The following MLXIPL variants were observed in gnomAD, a reference collection of about 807,000 sequenced individuals.
MLXIPL encodes the protein carbohydrate-responsive element-binding protein.
MLXIPL carries 49 observed loss-of-function variants against 81.5 expected under a neutral mutation model. The observed-to-expected ratio is 0.60, with a 90% CI of 0.48 to 0.76. The LOEUF is 0.76. MLXIPL is among the 30% of genes least tolerant of loss of function. The pLI, the probability that MLXIPL is intolerant of heterozygous loss-of-function variation, is 0.00. For synonymous variants in MLXIPL, 466 were observed against 485.5 expected, an observed-to-expected ratio of 0.96 and a Z score of 0.53; for missense variants, 1,053 against 1,167.0, an observed-to-expected ratio of 0.90 and a Z score of 1.42.
chr7:73,594,499 T>C, intron 15 of MLXIPL, 96 bp from the exon 16 acceptor site: 3 of 1,496,774 alleles, frequency 2.0e-6, no homozygotes, highest in Non-Finnish European at 2.8e-6. Flanking sequence ...AGAAAGGGCC[T>C]GGACACTGTC....
intron 7 of MLXIPL, among the ~76,000 whole-genome samples, chr7:73,600,028 T>G (rs1794662324): frequency 6.7e-6 from 1 of 149,624 alleles, no homozygotes; most frequent in East Asian, 2.1e-4. Context: ...GTGGCTCCCC[T>G]TCCCTGATCT....
At chr7:73,600,335 GT>G (rs1794689766) in intron 7 of MLXIPL, among the ~76,000 whole-genome samples, 2 of 134,488 alleles carry the variant, frequency 1.5e-5, no homozygotes, top group South Asian at 2.5e-4. Context: ...TGAGTGGTGT[GT>G]GGGCAAGAGG....
chr7:73,635,365 C>T, the MLXIPL span, among the ~76,000 whole-genome samples: 3 of 152,070 alleles, frequency 2.0e-5, no homozygotes, highest in Admixed American at 1.3e-4. Flanking sequence ...AGTCATCCGT[C>T]CAGCCATCCA....
rs1554597778 is a variant in MLXIPL at position 73,605,765 on chromosome 7, T to C, written c.824A>G (p.Tyr275Cys). ...SPLQLPPEDA[Y>C]VGNADMIQPD... ...CTGGATCATGTCAGCATTGCCGACG[T>C]AGGCTGGAGGCAGCAGTGGCGACAT... is the stretch of plus-strand genomic sequence containing the variant. The change falls in exon 7 of 17, where the codon TAC (tyrosine) becomes TGC (cysteine). Residue 275 changes from tyrosine (Y) to cysteine (C), a missense_variant. This residue lies in a region of MLXIPL where 823 missense variants were observed against 933.0 expected (regional missense o/e 0.88). Transcript: ENST00000313375. 1.2e-6 allele frequency: 2 copies of C among 1,613,024 alleles called. No homozygotes were observed. Among genetic ancestry groups the C allele is most frequent in the South Asian group, 1.1e-5 (1 of 90,952 alleles).
intron 7 of MLXIPL, among the ~76,000 whole-genome samples, chr7:73,602,452 C>A (rs530577713): frequency 6.6e-6 from 1 of 151,068 alleles, no homozygotes; most frequent in Admixed American, 6.6e-5. Context: ...GGACGGATCA[C>A]CTGAGGTCAG....
At chr7:73,647,605 G>C in the MLXIPL span, among the ~76,000 whole-genome samples, 1 of 152,274 alleles carries the variant, frequency 6.6e-6, no homozygotes, top group Middle Eastern at 3.4e-3. Flanking sequence ...GGCAGCTGAG[G>C]CTGAGCGAGG....
intron 15 of MLXIPL, among the ~76,000 whole-genome samples, chr7:73,594,903 T>C (rs1794150118): frequency 6.9e-6 from 1 of 145,594 alleles, no homozygotes; most frequent in Non-Finnish European, 1.5e-5. Context: ...TGGAATGCAG[T>C]GGCACAATCT....
chr7:73,620,614 G>T (rs1380404636), intron 1 of MLXIPL, among the ~76,000 whole-genome samples: 7 of 149,788 alleles, frequency 4.7e-5, no homozygotes, highest in South Asian at 2.1e-4. Flanking sequence ...GTGGTGGCAG[G>T]CGCCTGTAAT....
At chr7:73,629,440 G>C (rs1044418704), upstream of MLXIPL, among the ~76,000 whole-genome samples, 1 of 152,122 alleles carries the variant, frequency 6.6e-6, no homozygotes, top group Non-Finnish European at 1.5e-5. Context: ...AATTCCTTGA[G>C]AGCAAGAATC....
the MLXIPL span, among the ~76,000 whole-genome samples, chr7:73,637,486 A>G: frequency 2.0e-5 from 3 of 152,110 alleles, no homozygotes; most frequent in Admixed American, 2.0e-4. Context: ...AAAAAAAAAA[A>G]AAGAAAAAAC....
At chr7:73,629,974 T>TTTTTTTTA in the MLXIPL span, among the ~76,000 whole-genome samples, 9 of 143,606 alleles carry the variant, frequency 6.3e-5, no homozygotes, top group African/African-American at 2.1e-4. Context: ...TTTTTATTAT[T>TTTTTTTTA]TTTATTTATT....
the MLXIPL span, among the ~76,000 whole-genome samples, chr7:73,641,045 T>C: frequency 6.6e-6 from 1 of 152,010 alleles, no homozygotes; most frequent in African/African-American, 2.4e-5. Context: ...CTCATGTCTG[T>C]AATCCTCGCA....
At chr7:73,602,130 GCCTTCCTTCCTT>G (rs1211377104) in intron 7 of MLXIPL, among the ~76,000 whole-genome samples, 3 of 80,508 alleles carry the variant, frequency 3.7e-5, no homozygotes, top group Non-Finnish European at 7.1e-5. Context: ...CTGCCTGCCT[GCCTTCCTTCCTT>G]CCTTCCTTCC....
the MLXIPL span, among the ~76,000 whole-genome samples, chr7:73,631,041 C>G: frequency 6.7e-6 from 1 of 150,368 alleles, no homozygotes; most frequent in South Asian, 2.1e-4. Context: ...CGGAGTCTTG[C>G]TCTGTCACCC....
In MLXIPL at chr7:73,593,598, AG is replaced by A; in HGVS notation, c.*266del. On this transcript the variant is annotated 3_prime_UTR_variant, in exon 17 of 17. Transcript: ENST00000313375. ...TGAACCTTCCCCATCCCCATTTTGCAGATTGAAACACAGCGGTCCAAAGACA... is the reference window on the plus strand; with the variant it reads ...TGAACCTTCCCCATCCCCATTTTGCAATTGAAACACAGCGGTCCAAAGACA... 4.6e-6 allele frequency: 2 copies of A among 436,614 alleles called. No individual in the cohort carries two copies. Among genetic ancestry groups the A allele is most frequent in the Middle Eastern group, 7.0e-4 (1 of 1,424 alleles). 27.0% of individuals were successfully genotyped at this position (436,614 alleles called of 1,614,324 possible). A position where few individuals can be genotyped will look rare whatever the true frequency, so the allele number is the denominator to read the frequency against.
the MLXIPL span, among the ~76,000 whole-genome samples, chr7:73,646,312 C>T: frequency 9.0e-4 from 137 of 152,308 alleles, no homozygotes; most frequent in African/African-American, 3.0e-3. Context: ...CGCTTCCAGT[C>T]CACTCTTCCA....
chr7:73,647,517 T>G, the MLXIPL span, among the ~76,000 whole-genome samples: 1 of 152,158 alleles, frequency 6.6e-6, no homozygotes, highest in Non-Finnish European at 1.5e-5. Context: ...CCGTGTGCAC[T>G]TCACCTTCTA....
chr7:73,596,927 G>A lies in MLXIPL; in HGVS notation c.1609C>T (p.Pro537Ser). 1 of 1,609,038 alleles carries A rather than the reference G, an allele frequency of 6.2e-7. No individual in the cohort carries two copies. Residue 537 changes from proline (P) to serine (S), a missense_variant, in exon 10 of 17, where the codon CCG becomes TCG. Pro to Ser is a moderately conservative substitution (Grantham distance 74). This residue lies in a region of MLXIPL where 823 missense variants were observed against 933.0 expected (regional missense o/e 0.88). Coordinates refer to ENST00000313375, the MANE Select transcript of MLXIPL (RefSeq NM_032951.3). This position sits in a 1 kb window ranked among gnomAD's most constrained non-coding sequence, Gnocchi z 4.7. ...CLTQLLTAAKPEQALEPPLVS... is the reference protein window; with the variant it reads ...CLTQLLTAAKSEQALEPPLVS... ...AGTGGTGGCTCCAGGGCTTGCTCCG[G>A]CTTAGCTGTGCACGGGCAGAACCGT...
chr7:73,599,777 C>T (rs552134784), intron 7 of MLXIPL, 82 bp from the exon 8 acceptor site: 272 of 1,409,310 alleles, frequency 1.9e-4, no homozygotes, highest in Non-Finnish European at 2.4e-4. Context: ...TGGCCTGTCC[C>T]CAGCCTTGGC....
Sources: allele counts gnomAD v4.1 joint callset (sites outside exome capture counted in the v4.1 genomes callset), GRCh38; gene constraint gnomAD v4.1.1; regional missense constraint gnomAD v4.1.1; non-coding constraint Gnocchi (gnomAD v3.1); transcripts MANE v1.5; gene names NCBI Gene and HGNC (gene_info 2026-07-23, HGNC 2026-07-21).